Variants in TRAPPC8 observed in about 807,000 individuals in gnomAD.
TRAPPC8 encodes the protein trafficking protein particle complex subunit 8.
In TRAPPC8, 54 loss-of-function variants were observed where a neutral mutation model predicts 174.3. That is an observed-to-expected ratio of 0.31 (90% CI 0.25 to 0.39). The LOEUF is 0.39. Among genes scored for constraint, TRAPPC8 ranks in the 10% least tolerant of loss-of-function variants. The pLI, the probability that TRAPPC8 is intolerant of heterozygous loss-of-function variation, is 1.00. For missense variants in TRAPPC8, 1,531 were observed against 1,699.1 expected (o/e 0.90, Z 1.74); for synonymous variants, 630 against 579.9 (o/e 1.09, Z -1.24).
Position 31,829,215 on chromosome 18 carries a change from CTTTATT to C in TRAPPC8, c.*1534_*1539del, listed in dbSNP as rs1024092048. 1.3e-5 allele frequency: 2 copies of C among 152,128 alleles called. No homozygotes were observed. The highest frequency in any genetic ancestry group is 2.1e-4 in the South Asian group (1 of 4,814). The allele number at this position is 152,128 out of a possible 1,614,324, so 9.4% of individuals were successfully genotyped here. A position where few individuals can be genotyped will look rare whatever the true frequency, so the allele number is the denominator to read the frequency against. On this transcript the variant is annotated 3_prime_UTR_variant, in exon 29 of 29. Coordinates refer to ENST00000283351, the MANE Select transcript of TRAPPC8 (RefSeq NM_014939.5). ...GAAGTAATTTTGAGTGCTTTATTAC[CTTTATT>C]TTTAATATATTCAGTTGTAGGTTTA...
intron 14 of TRAPPC8, among the ~76,000 whole-genome samples, chr18:31,872,566 C>T (rs1253308450): frequency 6.6e-6 from 1 of 151,964 alleles, no homozygotes; most frequent in Non-Finnish European, 1.5e-5. Context: ...ACTACAGGCG[C>T]ATGCCACCAC....
At chr18:31,848,402 C>T (rs1027320770) in intron 25 of TRAPPC8, among the ~76,000 whole-genome samples, 3 of 152,094 alleles carry the variant, frequency 2.0e-5, no homozygotes, top group Admixed American at 6.6e-5. Flanking sequence ...GATTGCTACA[C>T]GGCATAAACC....
In TRAPPC8 at chr18:31,942,596, G is replaced by A. The variant is rs368969251; in HGVS notation, c.157+12C>T. On this transcript the variant is annotated intron_variant, in intron 1 of 28. Coordinates refer to ENST00000283351, the MANE Select transcript of TRAPPC8 (RefSeq NM_014939.5). ...TGCGGGAGCCCACTGGAAAAGGGAGGATACCACATACCCTCGGAAGTGAGG... is the reference window on the plus strand; with the variant it reads ...TGCGGGAGCCCACTGGAAAAGGGAGAATACCACATACCCTCGGAAGTGAGG... The A allele has an allele frequency of 2.0e-5, 32 of 1,574,644 alleles. No homozygotes were observed. The highest frequency in any genetic ancestry group is 1.3e-4 in the South Asian group (11 of 87,324).
chr18:31,884,949 G>T (rs2035634687), intron 12 of TRAPPC8, among the ~76,000 whole-genome samples: 1 of 151,786 alleles, frequency 6.6e-6, no homozygotes. Flanking sequence ...CGCCTCCCAG[G>T]TTCACGCCAT....
chr18:31,897,019 T>C (rs2036211689), intron 11 of TRAPPC8, among the ~76,000 whole-genome samples: 1 of 152,152 alleles, frequency 6.6e-6, no homozygotes, highest in Admixed American at 6.5e-5. Context: ...AAAGCATGGC[T>C]GTGAACAAGA....
At chr18:31,894,336 A>C (rs562511712) in intron 11 of TRAPPC8, among the ~76,000 whole-genome samples, 1 of 152,342 alleles carries the variant, frequency 6.6e-6, no homozygotes, top group African/African-American at 2.4e-5. Context: ...TGGAAGAGAA[A>C]TAAAAGGATT....
chr18:31,856,111 T>TC (rs1568049995), intron 20 of TRAPPC8, among the ~76,000 whole-genome samples: 1 of 149,576 alleles, frequency 6.7e-6, no homozygotes, highest in East Asian at 1.9e-4. Flanking sequence ...TCTTTCTCTC[T>TC]CTTTTTTTTT....
chr18:31,886,597 T>A (rs368582034), intron 12 of TRAPPC8, among the ~76,000 whole-genome samples: 2 of 152,204 alleles, frequency 1.3e-5, no homozygotes, highest in South Asian at 2.1e-4. Context: ...CCCAGCGTTT[T>A]TTGTTTTTTT....
At chr18:31,848,352 C>G (rs1486218071) in intron 25 of TRAPPC8, among the ~76,000 whole-genome samples, 1 of 152,100 alleles carries the variant, frequency 6.6e-6, no homozygotes, top group Admixed American at 6.5e-5. Context: ...ACAATGAGTA[C>G]AGAATACATT....
At chr18:31,878,414 A>G (rs1470067184) in intron 12 of TRAPPC8, among the ~76,000 whole-genome samples, 1 of 152,222 alleles carries the variant, frequency 6.6e-6, no homozygotes, top group African/African-American at 2.4e-5. Flanking sequence ...ACTAAGCTTC[A>G]TAATTGAAGG....
At chr18:31,915,890 A>AG (rs2037121807) in intron 4 of TRAPPC8, among the ~76,000 whole-genome samples, 1 of 144,632 alleles carries the variant, frequency 6.9e-6, no homozygotes, top group Admixed American at 6.9e-5. Context: ...CCATCTCAGA[A>AG]AAAAAAAAAA....
chr18:31,859,198 T>A (rs1315290716), intron 19 of TRAPPC8, among the ~76,000 whole-genome samples: 2 of 152,182 alleles, frequency 1.3e-5, no homozygotes, highest in African/African-American at 2.4e-5. Flanking sequence ...AATGTTCTAA[T>A]AAAGTTATAG....
chr18:31,836,162 C>T (rs1401358971), intron 27 of TRAPPC8, among the ~76,000 whole-genome samples: 1 of 152,162 alleles, frequency 6.6e-6, no homozygotes, highest in South Asian at 2.1e-4. Flanking sequence ...ACTAGAGATG[C>T]CGGTACCCTG....
At chr18:31,886,158 A>C (rs1465968584) in intron 12 of TRAPPC8, among the ~76,000 whole-genome samples, 1 of 151,516 alleles carries the variant, frequency 6.6e-6, no homozygotes, top group African/African-American at 2.4e-5. Context: ...GGCATGCGCC[A>C]CCATGCCTGG....
chr18:31,943,017 G>A lies in TRAPPC8; in HGVS notation c.-253C>T, dbSNP rs943381530. 2.3e-5 allele frequency: 15 copies of A among 651,916 alleles called. No homozygotes were observed. The highest frequency in any genetic ancestry group is 2.6e-5 in the Non-Finnish European group (12 of 456,090). 40.4% of individuals were successfully genotyped at this position (651,916 alleles called of 1,614,324 possible). A position where few individuals can be genotyped will look rare whatever the true frequency, so the allele number is the denominator to read the frequency against. ...CGCGTGCTCGCATTCCACCCCGATA[G>A]GTGGAGACGCCGACAGTCACCACTT... is the stretch of plus-strand genomic sequence containing the variant. On this transcript the variant is annotated 5_prime_UTR_variant, in exon 1 of 29. Transcript: ENST00000283351.
At chr18:31,877,537 C>CG (rs1295364088) in intron 12 of TRAPPC8, among the ~76,000 whole-genome samples, 2 of 130,810 alleles carry the variant, frequency 1.5e-5, no homozygotes, top group African/African-American at 2.9e-5. Flanking sequence ...GCATGAACCC[C>CG]GGGGGGCGGA....
chr18:31,858,435 T>C (rs2034149623), intron 19 of TRAPPC8, among the ~76,000 whole-genome samples: 1 of 152,182 alleles, frequency 6.6e-6, no homozygotes, highest in East Asian at 1.9e-4. Context: ...AGTGAAAGAA[T>C]GGGCAGATCT....
At chr18:31,895,813 A>T (rs921866183) in intron 11 of TRAPPC8, 1 of 152,222 alleles carries the variant, frequency 6.6e-6, no homozygotes, top group African/African-American at 2.4e-5. Flanking sequence ...CTCTACAAAT[A>T]GTTTGTCTGT....
At chr18:31,855,173 C>T (rs1476785214) in intron 21 of TRAPPC8, among the ~76,000 whole-genome samples, 1 of 151,392 alleles carries the variant, frequency 6.6e-6, no homozygotes, top group African/African-American at 2.4e-5. Context: ...GAATGAGAAC[C>T]TGTCTACAAA....
Sources: allele counts gnomAD v4.1 joint callset (sites outside exome capture counted in the v4.1 genomes callset), GRCh38; gene constraint gnomAD v4.1.1; transcripts MANE v1.5; gene names NCBI Gene and HGNC (gene_info 2026-07-23, HGNC 2026-07-21).